ERBB4: variants seen among roughly 807,000 people sequenced by gnomAD.
The protein encoded by ERBB4 is receptor tyrosine-protein kinase erbB-4.
A neutral mutation model predicts 158.0 loss-of-function variants in ERBB4; 42 were observed. The observed-to-expected ratio is 0.27, with a 90% confidence interval of 0.21 to 0.34. ERBB4 has a LOEUF of 0.34. ERBB4 is among the 10% of genes least tolerant of loss of function. ERBB4 has a pLI of 1.00. For missense variants in ERBB4, 1,333 were observed against 1,624.1 expected (o/e 0.82, Z 3.08); for synonymous variants, 583 against 558.7 (o/e 1.04, Z -0.61).
chr2:212,192,192 GAT>G (rs1040876338), intron 1 of ERBB4, among the ~76,000 whole-genome samples: 1 of 108,880 alleles, frequency 9.2e-6, no homozygotes, highest in Admixed American at 1.2e-4. Context: ...TATAATATTA[GAT>G]ATATATATTC....
chr2:211,706,509 C>A (rs1474980476), intron 9 of ERBB4, among the ~76,000 whole-genome samples: 3 of 151,462 alleles, frequency 2.0e-5, no homozygotes, highest in South Asian at 2.1e-4. Context: ...TTCCAGCAAC[C>A]TTGATCTCTG....
intron 3 of ERBB4, among the ~76,000 whole-genome samples, chr2:211,835,902 G>T (rs542152512): frequency 2.1e-4 from 32 of 152,132 alleles, no homozygotes; most frequent in African/African-American, 7.5e-4. Flanking sequence ...TTGAGGAACA[G>T]TTGAATACCT....
At chr2:212,071,927 A>T (rs2078132803) in intron 2 of ERBB4, among the ~76,000 whole-genome samples, 1 of 151,986 alleles carries the variant, frequency 6.6e-6, no homozygotes, top group Non-Finnish European at 1.5e-5. Context: ...GTTGCTTTTT[A>T]TCAATTGTTG....
At chr2:212,207,750 A>G (rs2082810259) in intron 1 of ERBB4, among the ~76,000 whole-genome samples, 1 of 152,154 alleles carries the variant, frequency 6.6e-6, no homozygotes, top group Admixed American at 6.6e-5. Flanking sequence ...TGAACTCTCT[A>G]CATCTAATGT....
Position 212,382,156 on chromosome 2 carries a change from A to T in ERBB4, c.82+156293T>A, listed in dbSNP as rs138179089. On this transcript the variant is annotated intron_variant, in intron 1 of 27. Transcript: ENST00000342788. ...ACATAAATGTATATTATACACATAC[A>T]ATATATATTATACACATGCACACAT... Among the ~76,000 whole-genome samples, 1,154 of 150,292 alleles carry T rather than the reference A, an allele frequency of 7.7e-3. 17 individuals carry two copies. The highest frequency in any genetic ancestry group is 0.027 in the African/African-American group (1,114 of 41,186).
At chr2:211,810,551 T>C (rs564663478) in intron 3 of ERBB4, among the ~76,000 whole-genome samples, 208 of 151,972 alleles carry the variant, frequency 1.4e-3, no homozygotes, top group African/African-American at 4.8e-3. Flanking sequence ...TTGGTAGATC[T>C]TCCTCCGTCC....
At chr2:211,589,742 C>A (rs573115096) in intron 19 of ERBB4, among the ~76,000 whole-genome samples, 1 of 152,076 alleles carries the variant, frequency 6.6e-6, no homozygotes, top group East Asian at 1.9e-4. Context: ...CTTCTGAATT[C>A]AAAATTGATC....
chr2:211,932,099 C>A (rs150749367), intron 3 of ERBB4, among the ~76,000 whole-genome samples: 1 of 151,942 alleles, frequency 6.6e-6, no homozygotes, highest in East Asian at 1.9e-4. Context: ...TAGGGCTAGA[C>A]GAGAATATTT....
intron 1 of ERBB4, among the ~76,000 whole-genome samples, chr2:212,526,777 G>T (rs570349058): frequency 1.3e-5 from 2 of 152,166 alleles, no homozygotes; most frequent in South Asian, 4.1e-4. Flanking sequence ...GACATTAAAA[G>T]AATACTTTAG....
intron 1 of ERBB4, among the ~76,000 whole-genome samples, chr2:212,419,061 A>G (rs574283559): frequency 1.1e-4 from 16 of 151,644 alleles, no homozygotes; most frequent in African/African-American, 3.9e-4. Flanking sequence ...ATATTCGCAC[A>G]GTATTTGCTA....
chr2:212,462,830 T>C (rs1381353347), intron 1 of ERBB4, among the ~76,000 whole-genome samples: 2 of 152,050 alleles, frequency 1.3e-5, no homozygotes, highest in Non-Finnish European at 2.9e-5. Flanking sequence ...TTATTCACAA[T>C]TGCCAAGATG....
rs376958295 is a variant in ERBB4 at position 212,538,714 on chromosome 2, G to A, written c.-184C>T. 118 of 427,720 alleles carry A rather than the reference G, an allele frequency of 2.8e-4. 3 individuals carry two copies. The East Asian group carries it at 3.5e-3, about 13-fold the overall frequency. The allele number at this position is 427,720 out of a possible 1,614,324, so 26.5% of individuals were successfully genotyped here. ...AGTCCGCGCCCGCGGGTCCAGGGCC[G>A]GGGCCCGAGGAGGGGGCGAGTGTGA... On this transcript the variant is annotated 5_prime_UTR_variant, in exon 1 of 28. Coordinates refer to ENST00000342788, the MANE Select transcript of ERBB4 (RefSeq NM_005235.3).
chr2:212,511,118 C>A (rs1298905428), intron 1 of ERBB4, among the ~76,000 whole-genome samples: 1 of 152,064 alleles, frequency 6.6e-6, no homozygotes, highest in East Asian at 1.9e-4. Context: ...AATTATTTTA[C>A]CTGCAAATAC....
chr2:212,223,939 C>G (rs1162165692), intron 1 of ERBB4, among the ~76,000 whole-genome samples: 1 of 151,754 alleles, frequency 6.6e-6, no homozygotes, highest in African/African-American at 2.4e-5. Flanking sequence ...CAACGATTAA[C>G]AGACATAAGG....
At chr2:212,458,153 T>G (rs74666130) in intron 1 of ERBB4, among the ~76,000 whole-genome samples, 1 of 152,088 alleles carries the variant, frequency 6.6e-6, no homozygotes, top group Non-Finnish European at 1.5e-5. Flanking sequence ...TTGCTGAGCA[T>G]GTAAAAACAA....
chr2:212,460,085 C>T (rs1210624516), intron 1 of ERBB4, among the ~76,000 whole-genome samples: 3 of 152,170 alleles, frequency 2.0e-5, no homozygotes, highest in Admixed American at 1.3e-4. Flanking sequence ...TTCCCCTGCA[C>T]AAGCTCTCTC....
At chr2:212,184,773 T>C (rs551389177) in intron 1 of ERBB4, among the ~76,000 whole-genome samples, 6 of 152,254 alleles carry the variant, frequency 3.9e-5, no homozygotes, top group African/African-American at 1.4e-4. Flanking sequence ...ATCCAAAACA[T>C]TTTTATGAAT....
chr2:212,495,615 C>T (rs970256682), intron 1 of ERBB4, among the ~76,000 whole-genome samples: 15 of 152,138 alleles, frequency 9.9e-5, no homozygotes, highest in Admixed American at 3.9e-4. Context: ...TGGCGAGGCA[C>T]GTGCTATGTC....
intron 1 of ERBB4, among the ~76,000 whole-genome samples, chr2:212,313,267 C>A (rs1036048768): frequency 6.6e-6 from 1 of 150,748 alleles, no homozygotes; most frequent in Non-Finnish European, 1.5e-5. Flanking sequence ...AATACCAACA[C>A]AATATAACTT....
Sources: gnomAD v4.1 joint callset for allele counts (sites outside exome capture counted in the v4.1 genomes callset) on GRCh38, gnomAD v4.1.1 for gene constraint, MANE v1.5 for transcripts, NCBI Gene and HGNC (gene_info 2026-07-23, HGNC 2026-07-21) for gene names.